Variants in ARPC2 observed in about 807,000 individuals in gnomAD.
ARPC2 encodes actin-related protein 2/3 complex subunit 2.
In ARPC2, 4 loss-of-function variants were observed where a neutral mutation model predicts 38.6. That is an observed-to-expected ratio of 0.10 (90% CI 0.05 to 0.24). ARPC2 has a LOEUF of 0.24. ARPC2 is among the 10% of genes least tolerant of loss of function. ARPC2 has a pLI of 1.00. For missense variants in ARPC2, 229 were observed against 387.3 expected, an observed-to-expected ratio of 0.59 and a Z score of 3.43; for synonymous variants, 125 against 140.8, an observed-to-expected ratio of 0.89 and a Z score of 0.79.
chr2:218,217,457 G>C lies in ARPC2; in HGVS notation c.-8-6G>C. The C allele has an allele frequency of 1.9e-6, 3 of 1,613,708 alleles. No homozygotes were observed. The highest frequency in any genetic ancestry group is 1.1e-5 in the South Asian group (1 of 91,064). ...CGGCCCTTGTTTCTCCTTCCCCTGG[G>C]GGCAGCCGCCGCCATGATCCTGCTG... On this transcript the variant is annotated splice_polypyrimidine_tract_variant and splice_region_variant and intron_variant, in intron 1 of 10. Coordinates refer to ENST00000315717, the MANE Select transcript of ARPC2 (RefSeq NM_152862.3).
Position 218,254,260 on chromosome 2 carries a change from C to T in ARPC2, c.*345C>T, listed in dbSNP as rs1453493841. ...GAGTTGCAGGATAATGCAGTCATAA[C>T]TTGTTTTCTCCTAAGTATTTGAGTT... On this transcript the variant is annotated 3_prime_UTR_variant, in exon 11 of 11. Coordinates refer to ENST00000315717, the MANE Select transcript of ARPC2 (RefSeq NM_152862.3). The T allele has an allele frequency of 4.5e-6, 1 of 223,234 alleles. No individual in the cohort carries two copies. The highest frequency in any genetic ancestry group is 5.3e-5 in the Admixed American group (1 of 18,862). 13.8% of individuals were successfully genotyped at this position (223,234 alleles called of 1,614,324 possible).
In ARPC2 at chr2:218,241,654, A is replaced by G. The variant is rs151206508; in HGVS notation, c.549+2170A>G. On this transcript the variant is annotated intron_variant, in intron 7 of 10. Coordinates refer to ENST00000315717, the MANE Select transcript of ARPC2 (RefSeq NM_152862.3). ...AAACAGATCTTATCTTGGAGAGTGTACCGGAGATTTGTTCCTTAGGAGAAT... is the reference window on the plus strand; with the variant it reads ...AAACAGATCTTATCTTGGAGAGTGTGCCGGAGATTTGTTCCTTAGGAGAAT... 5.9e-5 allele frequency among the ~76,000 whole-genome samples: 9 copies of G among 152,374 alleles called. No individual in the cohort carries two copies. In the East Asian group the frequency reaches 7.7e-4, roughly 13 times the overall value.
At chr2:218,232,197 C>T (rs1256152895) in intron 4 of ARPC2, among the ~76,000 whole-genome samples, 8 of 152,028 alleles carry the variant, frequency 5.3e-5, no homozygotes, top group African/African-American at 1.2e-4. Context: ...GCCGAGATCA[C>T]GCCACTGCAC....
intron 6 of ARPC2, 50 bp from the exon 7 acceptor site, chr2:218,239,341 A>C: frequency 2.9e-6 from 4 of 1,362,006 alleles, no homozygotes; most frequent in Non-Finnish European, 3.1e-6. Flanking sequence ...GTTATTGACA[A>C]AACCCCATTC....
chr2:218,245,510 G>A lies in ARPC2; in HGVS notation c.640G>A (p.Ala214Thr). ...EPPLELKDTD[A>T]AVGDNIGYIT... The stretch of plus-strand genomic sequence containing the variant: ...TCCTCTGGAGCTGAAAGACACAGAC[G>A]CCGCTGTGGGTGACAACATTGGCTA... The change falls in exon 8 of 11, where the codon GCC becomes ACC. Residue 214 changes from alanine (A) to threonine (T), a missense_variant. Ala to Thr is a moderately conservative substitution (Grantham distance 58). Transcript: ENST00000315717. 1.2e-6 allele frequency: 2 copies of A among 1,614,196 alleles called. No individual in the cohort carries two copies. The highest frequency in any genetic ancestry group is 1.1e-5 in the South Asian group (1 of 91,090).
chr2:218,234,452 T>C (rs968312252), intron 5 of ARPC2, 55 bp downstream of exon 5: 3 of 1,349,258 alleles, frequency 2.2e-6, no homozygotes, highest in Admixed American at 4.4e-5. Context: ...GTGTCCTTTT[T>C]ATATTATGCT....
intron 8 of ARPC2, among the ~76,000 whole-genome samples, chr2:218,249,135 A>G (rs1412453545): frequency 1.3e-5 from 2 of 152,220 alleles, no homozygotes; most frequent in Non-Finnish European, 2.9e-5. Flanking sequence ...GCCTAGGGTC[A>G]AGCCCTGTTT....
chr2:218,245,273 A>G (rs1690004562), intron 7 of ARPC2, 147 bp from the exon 8 acceptor site: 1 of 940,446 alleles, frequency 1.1e-6, no homozygotes, highest in African/African-American at 1.7e-5. Flanking sequence ...CACTTGTCAT[A>G]TTTCAGGTTT....
At chr2:218,225,980 G>A in intron 3 of ARPC2, 26 bp downstream of exon 3, 1 of 1,611,826 alleles carries the variant, frequency 6.2e-7, no homozygotes, top group Non-Finnish European at 8.5e-7. Context: ...TCAGCCCTCT[G>A]AAGAGAAGGT....
At chr2:218,218,336 T>G (rs916288728) in intron 2 of ARPC2, among the ~76,000 whole-genome samples, 4 of 152,200 alleles carry the variant, frequency 2.6e-5, no homozygotes, top group African/African-American at 9.7e-5. Context: ...CTTCAAAGAC[T>G]CCAGAATCTA....
At chr2:218,225,489 T>C (rs1485166569) in intron 2 of ARPC2, among the ~76,000 whole-genome samples, 1 of 152,230 alleles carries the variant, frequency 6.6e-6, no homozygotes, top group Non-Finnish European at 1.5e-5. Flanking sequence ...TCATCCTTTC[T>C]CTTTAAGCAT....
At chr2:218,224,809 G>T (rs772511606) in intron 2 of ARPC2, among the ~76,000 whole-genome samples, 5 of 152,132 alleles carry the variant, frequency 3.3e-5, no homozygotes, top group Non-Finnish European at 7.3e-5. Flanking sequence ...GTATTGTCTG[G>T]CTTCTATATC....
intron 2 of ARPC2, among the ~76,000 whole-genome samples, chr2:218,218,013 C>T (rs1689295615): frequency 6.6e-6 from 1 of 152,204 alleles, no homozygotes; most frequent in Non-Finnish European, 1.5e-5. Flanking sequence ...CACCAGCATT[C>T]TCGTTCCCCA....
At chr2:218,238,921 A>G (rs1689843290) in intron 6 of ARPC2, 71 bp downstream of exon 6, 5 of 1,260,720 alleles carry the variant, frequency 4.0e-6, no homozygotes, top group Non-Finnish European at 5.6e-6. Flanking sequence ...TGAAAGAAAT[A>G]TGGCTTGGTC....
chr2:218,233,684 T>C (rs1689697990), intron 4 of ARPC2: 1 of 151,834 alleles, frequency 6.6e-6, no homozygotes, highest in Admixed American at 6.6e-5. Context: ...TTTTTTCTCT[T>C]TATTCACCTG....
At chr2:218,217,385 G>A in intron 1 of ARPC2, 78 bp from the exon 2 acceptor site, 1 of 1,376,070 alleles carries the variant, frequency 7.3e-7, no homozygotes, top group Non-Finnish European at 1.0e-6. Flanking sequence ...CACTCAGGGG[G>A]CAGCAGGGCC....
chr2:218,217,587 T>A lies in ARPC2; in HGVS notation c.74+43T>A, dbSNP rs748995998. On this transcript the variant is annotated intron_variant, in intron 2 of 10. Coordinates refer to ENST00000315717, the MANE Select transcript of ARPC2 (RefSeq NM_152862.3). ...GCCGGGGGTGGCGGGGGAAGCAGAGTTGACCCCAGCTAATCCCCAATGTTG... is the reference window on the plus strand; with the variant it reads ...GCCGGGGGTGGCGGGGGAAGCAGAGATGACCCCAGCTAATCCCCAATGTTG... 7.0e-6 allele frequency: 11 copies of A among 1,561,860 alleles called. No individual in the cohort carries two copies. The Admixed American group carries it at 1.3e-4, about 18-fold the overall frequency.
chr2:218,247,784 A>T (rs1030648479), intron 8 of ARPC2, among the ~76,000 whole-genome samples: 1 of 152,264 alleles, frequency 6.6e-6, no homozygotes, highest in Non-Finnish European at 1.5e-5. Context: ...TCTACAAAAA[A>T]TACAAAAACT....
chr2:218,241,703 T>G (rs1689920669), intron 7 of ARPC2, among the ~76,000 whole-genome samples: 1 of 152,254 alleles, frequency 6.6e-6, no homozygotes. Context: ...TTTTGGCATA[T>G]GATTTAAATG....
Sources: allele counts gnomAD v4.1 joint callset (sites outside exome capture counted in the v4.1 genomes callset), GRCh38; gene constraint gnomAD v4.1.1; transcripts MANE v1.5; gene names NCBI Gene and HGNC (gene_info 2026-07-23, HGNC 2026-07-21).